The following OASL variants were observed in gnomAD, a reference collection of about 807,000 sequenced individuals.
OASL encodes 2'-5'-oligoadenylate synthase-like protein.
In OASL, 28 loss-of-function variants were observed where a neutral mutation model predicts 35.3. That is an observed-to-expected ratio of 0.79 (90% CI 0.59 to 1.09). The LOEUF is 1.09. Ranked by LOEUF, OASL falls within the 50% of genes least tolerant of loss-of-function variation. The probability of loss-of-function intolerance (pLI) is 0.00; values close to 1 mark genes in which losing one functional copy is unlikely to be tolerated. For missense variants in OASL, 620 were observed against 635.2 expected (o/e 0.98, Z 0.26); for synonymous variants, 252 against 254.6 (o/e 0.99, Z 0.10).
chr12:121,023,287 C>CTTTTTTTTTTTTTTTTTTTT (rs768266698), intron 5 of OASL, among the ~76,000 whole-genome samples: 1 of 123,264 alleles, frequency 8.1e-6, no homozygotes. Context: ...TTTTTTTTTT[C>CTTTTTTTTTTTTTTTTTTTT]TTTTTTTCTT....
intron 4 of OASL, among the ~76,000 whole-genome samples, chr12:121,026,154 G>C (rs2135905704): frequency 6.6e-6 from 1 of 152,320 alleles, no homozygotes; most frequent in East Asian, 1.9e-4. Context: ...AGCAGAGGCT[G>C]AGGGGAAAAG....
chr12:121,039,091 A>G (rs748445766), exon 1 of OASL: 19 of 795,134 alleles, frequency 2.4e-5, no homozygotes, highest in Non-Finnish European at 3.9e-5. Flanking sequence ...GCTCTGTGGG[A>G]GGAGGGACCC....
intron 2 of OASL, among the ~76,000 whole-genome samples, chr12:121,032,229 C>G (rs1391648922): frequency 6.6e-6 from 1 of 151,984 alleles, no homozygotes; most frequent in Non-Finnish European, 1.5e-5. Flanking sequence ...TAGGGAGAAC[C>G]AGGAACCAGT....
At chr12:121,039,170 G>A (rs945617186) in exon 1 of OASL, 10 of 593,474 alleles carry the variant, frequency 1.7e-5, no homozygotes, top group East Asian at 2.8e-5. Context: ...CCTTGCTGCA[G>A]TAGGGGCACA....
chr12:121,020,809 C>T (rs753389966), exon 6 of OASL: 26 of 1,614,120 alleles, frequency 1.6e-5, no homozygotes, highest in East Asian at 2.2e-5. Flanking sequence ...ACCTGGATCT[C>T]GGAGGGGATG....
intron 2 of OASL, among the ~76,000 whole-genome samples, chr12:121,032,916 T>C (rs1393452411): frequency 6.7e-6 from 1 of 150,166 alleles, no homozygotes; most frequent in Non-Finnish European, 1.5e-5. Flanking sequence ...CATGTTTTTT[T>C]GTTTGTTTTT....
chr12:121,020,672 G>A (rs1869191342), exon 6 of OASL: 1 of 1,614,106 alleles, frequency 6.2e-7, no homozygotes, highest in African/African-American at 1.3e-5. Context: ...CTTGGCCTTG[G>A]AATTCCAGCT....
chr12:121,032,622 G>A (rs914074602), intron 2 of OASL, among the ~76,000 whole-genome samples: 15 of 152,188 alleles, frequency 9.9e-5, no homozygotes, highest in African/African-American at 2.4e-4. Flanking sequence ...ATGGACGCAC[G>A]TTGTATTGAA....
exon 2 of OASL, chr12:121,033,634 T>G: frequency 1.2e-6 from 2 of 1,614,114 alleles, no homozygotes; most frequent in Non-Finnish European, 1.7e-6. Flanking sequence ...CCTCAGAACA[T>G]CTTTGTGATG....
chr12:121,017,798 A>G (rs1334512517), downstream of OASL, among the ~76,000 whole-genome samples: 1 of 152,220 alleles, frequency 6.6e-6, no homozygotes, highest in Non-Finnish European at 1.5e-5. Context: ...ATTGCAAGGA[A>G]TTGCAATTTG....
intron 2 of OASL, among the ~76,000 whole-genome samples, chr12:121,032,719 A>G (rs951233360): frequency 7.5e-4 from 114 of 152,008 alleles, no homozygotes; most frequent in African/African-American, 2.6e-3. Context: ...CCTCACATCC[A>G]TGTCTTAGGA....
At chr12:121,025,491 G>C (rs765424096) in intron 4 of OASL, among the ~76,000 whole-genome samples, 1 of 152,058 alleles carries the variant, frequency 6.6e-6, no homozygotes, top group Non-Finnish European at 1.5e-5. Flanking sequence ...TGAGTGGGGC[G>C]CAGTGGCTCA....
exon 6 of OASL, chr12:121,020,741 G>A: frequency 6.2e-7 from 1 of 1,614,160 alleles, no homozygotes; most frequent in Non-Finnish European, 8.5e-7. Context: ...GACCCAGGAT[G>A]AAGCTGTTGG....
intron 1 of OASL, among the ~76,000 whole-genome samples, chr12:121,035,201 T>C (rs1869903878): frequency 6.6e-6 from 1 of 151,952 alleles, no homozygotes; most frequent in Non-Finnish European, 1.5e-5. Flanking sequence ...CTGGCACCCA[T>C]AAGAGCCCTG....
chr12:121,024,231 T>C lies in OASL; in HGVS notation c.900-94A>G, dbSNP rs1048641742. 3.7e-6 allele frequency: 5 copies of C among 1,360,580 alleles called. No homozygotes were observed. The African/African-American group carries it at 4.3e-5, about 12-fold the overall frequency. The allele number at this position is 1,360,580 out of a possible 1,614,324, so 84.3% of individuals were successfully genotyped here. On this transcript the variant is annotated intron_variant, in intron 4 of 5. Coordinates refer to ENST00000257570, the Ensembl canonical transcript of OASL. ...CTCGGCAATTATTTCGTCCAGCCAC[T>C]GAGAATTGTGATATCCACATCCCGG... is the stretch of plus-strand genomic sequence containing the variant.
chr12:121,023,863 G>T (rs1236288358), intron 5 of OASL, 127 bp downstream of exon 5: 2 of 1,124,856 alleles, frequency 1.8e-6, no homozygotes, highest in African/African-American at 3.1e-5. Context: ...GGGTGGTGCA[G>T]CTGGCCCTTA....
intron 5 of OASL, 156 bp downstream of exon 5, chr12:121,023,834 C>T: frequency 1.3e-6 from 1 of 749,302 alleles, no homozygotes; most frequent in Non-Finnish European, 2.1e-6. Flanking sequence ...AAGAATTTGT[C>T]CAAGTTCACG....
intron 3 of OASL, among the ~76,000 whole-genome samples, chr12:121,029,161 G>A (rs546976032): frequency 1.3e-5 from 2 of 151,214 alleles, no homozygotes; most frequent in South Asian, 4.2e-4. Context: ...TTTGATTTGT[G>A]GAAGTAAAAC....
chr12:121,032,834 T>G lies in OASL; in HGVS notation c.481+627A>C, dbSNP rs367697513. Among the ~76,000 whole-genome samples, 349 of 152,322 alleles carry G rather than the reference T, an allele frequency of 2.3e-3. 1 individual carries two copies. The highest frequency in any genetic ancestry group is 7.9e-3 in the African/African-American group (328 of 41,588). On this transcript the variant is annotated intron_variant, in intron 2 of 5. Coordinates refer to ENST00000257570, the Ensembl canonical transcript of OASL. Reference sequence around the variant, plus strand: ...AATGTTGTTTCCCCAGAAAGTCACTTCCTGAGCACCCTTTCTGTGGTTACC... The same window carrying G: ...AATGTTGTTTCCCCAGAAAGTCACTGCCTGAGCACCCTTTCTGTGGTTACC...
Sources: gnomAD v4.1 joint callset for allele counts (sites outside exome capture counted in the v4.1 genomes callset) on GRCh38, gnomAD v4.1.1 for gene constraint, MANE v1.5 for transcripts, NCBI Gene and HGNC (gene_info 2026-07-23, HGNC 2026-07-21) for gene names.